SNX25: variants seen among roughly 807,000 people sequenced by gnomAD.
SNX25 encodes the protein sorting nexin 25.
In SNX25, 62 loss-of-function variants were observed where a neutral mutation model predicts 113.7. The ratio of observed to expected loss-of-function variants is 0.55; its 90% CI spans 0.44 to 0.67. The LOEUF (loss-of-function observed/expected upper bound fraction) is 0.67, where lower values mean the gene tolerates loss of function less well. Ranked by LOEUF, SNX25 falls within the 30% of genes least tolerant of loss-of-function variation. The probability of loss-of-function intolerance (pLI) is 0.00; values close to 1 mark genes in which losing one functional copy is unlikely to be tolerated. For missense variants in SNX25, 1,014 were observed against 1,161.0 expected (o/e 0.87, Z 1.84); for synonymous variants, 421 against 436.2 (o/e 0.97, Z 0.43).
intron 2 of SNX25, among the ~76,000 whole-genome samples, chr4:185,253,457 TTTC>T (rs1221979841): frequency 6.9e-6 from 1 of 144,376 alleles, no homozygotes; most frequent in East Asian, 2.1e-4. Context: ...CAGACTTTTT[TTTC>T]TTTTCTTTTC....
intron 1 of SNX25, among the ~76,000 whole-genome samples, chr4:185,217,350 T>C (rs1424361673): frequency 6.6e-6 from 1 of 152,160 alleles, no homozygotes; most frequent in Non-Finnish European, 1.5e-5. Context: ...CATTCAAAAG[T>C]GAGTGAGACT....
chr4:185,236,738 A>G (rs2126433405), intron 1 of SNX25, among the ~76,000 whole-genome samples: 1 of 152,300 alleles, frequency 6.6e-6, no homozygotes, highest in East Asian at 1.9e-4. Flanking sequence ...AAAGTTACCA[A>G]TAATTTATTG....
intron 5 of SNX25, among the ~76,000 whole-genome samples, chr4:185,271,342 A>C (rs1748899934): frequency 6.6e-6 from 1 of 152,172 alleles, no homozygotes. Context: ...TTTTATAAGC[A>C]ATCTCAGCTC....
chr4:185,259,594 C>T (rs547638952), intron 3 of SNX25, among the ~76,000 whole-genome samples: 4 of 151,996 alleles, frequency 2.6e-5, no homozygotes, highest in Non-Finnish European at 4.4e-5. Context: ...TTGTTACATA[C>T]GTGACAGTTG....
At chr4:185,240,402 C>T (rs1208127119) in intron 1 of SNX25, among the ~76,000 whole-genome samples, 2 of 147,882 alleles carry the variant, frequency 1.4e-5, no homozygotes, top group African/African-American at 2.5e-5. Context: ...GGGGCTGACC[C>T]CCCCACCTCC....
chr4:185,301,297 A>G (rs1294266345), intron 6 of SNX25, among the ~76,000 whole-genome samples: 1 of 152,202 alleles, frequency 6.6e-6, no homozygotes, highest in East Asian at 1.9e-4. Flanking sequence ...GGAGGGTGAC[A>G]CACCCAGGGA....
chr4:185,362,804 C>G (rs1268447328), intron 18 of SNX25, 93 bp downstream of exon 18: 1 of 812,462 alleles, frequency 1.2e-6, no homozygotes, highest in Non-Finnish European at 2.0e-6. Context: ...GGCTGCAGCA[C>G]TCTCATTCTC....
chr4:185,225,573 G>T (rs941114932), intron 1 of SNX25, among the ~76,000 whole-genome samples: 3 of 152,192 alleles, frequency 2.0e-5, no homozygotes, highest in African/African-American at 7.2e-5. Flanking sequence ...TGATTTCACT[G>T]TAATCTATGG....
intron 9 of SNX25, among the ~76,000 whole-genome samples, chr4:185,326,370 C>T (rs1212500736): frequency 1.3e-5 from 2 of 152,064 alleles, no homozygotes; most frequent in Admixed American, 6.5e-5. Context: ...TTATCAGAAA[C>T]CTGCATTTGA....
intron 1 of SNX25, among the ~76,000 whole-genome samples, chr4:185,222,837 C>A (rs9995983): frequency 0.019 from 2,952 of 152,300 alleles, 94 homozygotes; most frequent in African/African-American, 0.068. Flanking sequence ...CCCCTAATAA[C>A]TGTGACAGTG....
intron 7 of SNX25, among the ~76,000 whole-genome samples, chr4:185,314,456 A>G (rs947823178): frequency 6.6e-6 from 1 of 152,230 alleles, no homozygotes; most frequent in African/African-American, 2.4e-5. Context: ...TGCTACATAC[A>G]TTCAAAGGAG....
intron 1 of SNX25, among the ~76,000 whole-genome samples, chr4:185,239,957 T>C (rs1390774321): frequency 6.7e-6 from 1 of 149,986 alleles, no homozygotes; most frequent in Admixed American, 6.7e-5. Context: ...GATTAGGGAG[T>C]GGTGATGACT....
intron 8 of SNX25, among the ~76,000 whole-genome samples, chr4:185,321,885 G>A (rs2095123218): frequency 6.6e-6 from 1 of 152,132 alleles, no homozygotes; most frequent in African/African-American, 2.4e-5. Context: ...GTTGTATTAG[G>A]TATAAGTAAT....
chr4:185,241,415 T>G (rs60409815), intron 1 of SNX25, among the ~76,000 whole-genome samples: 1 of 133,180 alleles, frequency 7.5e-6, no homozygotes, highest in Non-Finnish European at 1.7e-5. Flanking sequence ...TGCAGTGAGC[T>G]GAGATGGCAG....
intron 1 of SNX25, among the ~76,000 whole-genome samples, chr4:185,235,422 C>T (rs1742473457): frequency 6.6e-6 from 1 of 152,220 alleles, no homozygotes; most frequent in Non-Finnish European, 1.5e-5. Flanking sequence ...AGGTGCCCTG[C>T]TCAGAGGACC....
intron 15 of SNX25, among the ~76,000 whole-genome samples, chr4:185,354,852 C>T (rs906437425): frequency 4.6e-5 from 7 of 152,166 alleles, no homozygotes; most frequent in Admixed American, 1.3e-4. Flanking sequence ...CAGGTGCCCA[C>T]GGGCACACCT....
At chr4:185,240,076 G>GT (rs1398026497) in intron 1 of SNX25, among the ~76,000 whole-genome samples, 4 of 151,728 alleles carry the variant, frequency 2.6e-5, no homozygotes, top group African/African-American at 9.7e-5. Context: ...AGAGCACAGG[G>GT]TTGGGGGTAA....
chr4:185,215,115 G>C (rs1472019894), intron 1 of SNX25, among the ~76,000 whole-genome samples: 2 of 152,124 alleles, frequency 1.3e-5, no homozygotes, highest in Non-Finnish European at 2.9e-5. Flanking sequence ...TGTAGTCCCA[G>C]CTACTCGGGA....
chr4:185,285,032 G>T lies in SNX25; in HGVS notation c.1092-2980G>T, dbSNP rs537922236. ...GGTTAGTTTAGCTTGAATAGGCTTA[G>T]ATACATAGGTACATAGATAAAACAG... On this transcript the variant is annotated intron_variant, in intron 5 of 18. Transcript: ENST00000652585. Among the ~76,000 whole-genome samples the T allele has an allele frequency of 2.6e-5, 4 of 152,240 alleles. No individual in the cohort carries two copies. The South Asian group carries it at 8.3e-4, about 32-fold the overall frequency.
Sources: gnomAD v4.1 joint callset for allele counts (sites outside exome capture counted in the v4.1 genomes callset) on GRCh38, gnomAD v4.1.1 for gene constraint, MANE v1.5 for transcripts, NCBI Gene and HGNC (gene_info 2026-07-23, HGNC 2026-07-21) for gene names.